The following ARHGEF4 variants were observed in gnomAD, a reference collection of about 807,000 sequenced individuals.
ARHGEF4 encodes the protein Rho guanine nucleotide exchange factor 4.
Under a neutral mutation model 162.0 loss-of-function variants are expected in ARHGEF4, and 119 were observed. The ratio of observed to expected loss-of-function variants is 0.73; its 90% confidence interval spans 0.63 to 0.86. ARHGEF4 has a LOEUF of 0.86. ARHGEF4 is among the 40% of genes least tolerant of loss of function. The probability of loss-of-function intolerance (pLI) is 0.00; values close to 1 mark genes in which losing one functional copy is unlikely to be tolerated. For synonymous variants in ARHGEF4, 1,014 were observed against 979.9 expected (o/e 1.03, Z -0.65); for missense variants, 2,488 against 2,456.0 (o/e 1.01, Z -0.28).
intron 4 of ARHGEF4, among the ~76,000 whole-genome samples, chr2:131,009,752 G>A (rs1255831083): frequency 2.0e-5 from 3 of 152,110 alleles, no homozygotes; most frequent in Non-Finnish European, 4.4e-5. Flanking sequence ...TTAGAAGTAT[G>A]TGCTTCTGTA....
At chr2:130,905,077 TCAGA>T (rs1680736386) in intron 1 of ARHGEF4, among the ~76,000 whole-genome samples, 1 of 151,566 alleles carries the variant, frequency 6.6e-6, no homozygotes, top group African/African-American at 2.4e-5. Flanking sequence ...AGACTCTGTC[TCAGA>T]CAAACAAACA....
rs111971610 is a variant in ARHGEF4, at chr2:131,032,848, CTTTTTTT to C, written c.4125+4780_4125+4786del. ...TTTCTTTTCTTTTCTTTTCTTTTTT[CTTTTTTT>C]TTTTTTTTTTTTTTTGAGACGGGGT... is the stretch of plus-strand genomic sequence containing the variant. On this transcript the variant is annotated intron_variant, in intron 5 of 13. Coordinates refer to ENST00000409359, the MANE Select transcript of ARHGEF4 (RefSeq NM_001367493.1). 7.3e-3 allele frequency among the ~76,000 whole-genome samples: 939 copies of C among 128,540 alleles called. 7 individuals are homozygous for C. Among genetic ancestry groups the C allele is most frequent in the South Asian group, 0.055 (212 of 3,862 alleles). 84.3% of individuals were successfully genotyped at this position (128,540 alleles called of 152,430 possible).
chr2:130,871,702 A>G (rs886263281), intron 1 of ARHGEF4, among the ~76,000 whole-genome samples: 1 of 152,136 alleles, frequency 6.6e-6, no homozygotes, highest in African/African-American at 2.4e-5. Flanking sequence ...GTTGTCTTCC[A>G]AATCCTGTGG....
intron 1 of ARHGEF4, among the ~76,000 whole-genome samples, chr2:130,908,716 C>T (rs945724765): frequency 2.0e-5 from 3 of 151,998 alleles, no homozygotes; most frequent in Non-Finnish European, 4.4e-5. Context: ...AAGTTTTACT[C>T]TTTAAAAGGC....
chr2:130,954,311 C>T (rs1026458002), intron 4 of ARHGEF4, among the ~76,000 whole-genome samples: 1 of 152,138 alleles, frequency 6.6e-6, no homozygotes, highest in Non-Finnish European at 1.5e-5. Context: ...GAACAGAAAA[C>T]CAAACACTGC....
At chr2:130,993,109 C>A (rs1335422878) in intron 4 of ARHGEF4, among the ~76,000 whole-genome samples, 1 of 152,086 alleles carries the variant, frequency 6.6e-6, no homozygotes, top group Admixed American at 6.5e-5. Context: ...AAATAGACAT[C>A]AAGGCTGCTC....
chr2:131,037,747 C>T (rs1187181239), intron 5 of ARHGEF4, among the ~76,000 whole-genome samples: 1 of 152,188 alleles, frequency 6.6e-6, no homozygotes, highest in Non-Finnish European at 1.5e-5. Flanking sequence ...AGGGGAGCGT[C>T]CAGTGTCTTA....
At chr2:130,960,924 G>A (rs1488302696) in intron 4 of ARHGEF4, among the ~76,000 whole-genome samples, 1 of 152,150 alleles carries the variant, frequency 6.6e-6, no homozygotes, top group South Asian at 2.1e-4. Flanking sequence ...AAATTACTGA[G>A]GTCTCCGGAA....
At chr2:131,041,677 C>G in intron 9 of ARHGEF4, 138 bp from the exon 10 acceptor site, 1 of 1,262,156 alleles carries the variant, frequency 7.9e-7, no homozygotes, top group Non-Finnish European at 1.1e-6. Flanking sequence ...AAGAGAGGGG[C>G]TGTGCATCTG....
chr2:131,021,776 C>T (rs1049823293), intron 4 of ARHGEF4, among the ~76,000 whole-genome samples: 3 of 152,190 alleles, frequency 2.0e-5, no homozygotes, highest in East Asian at 1.9e-4. Context: ...CGTCTTCCAT[C>T]GCTGAGTATG....
rs977450926 is a variant in ARHGEF4 at position 130,994,236 on chromosome 2, T to C, written c.3986-33709T>C. Reference sequence around the variant, plus strand: ...TAGTAATATATTTGGGTTTAAATCTTCCATCTTAATAATCTTTACATTTGT... The same window carrying C: ...TAGTAATATATTTGGGTTTAAATCTCCCATCTTAATAATCTTTACATTTGT... On this transcript the variant is annotated intron_variant, in intron 4 of 13. Coordinates refer to ENST00000409359, the MANE Select transcript of ARHGEF4 (RefSeq NM_001367493.1). 2.0e-5 allele frequency among the ~76,000 whole-genome samples: 3 copies of C among 152,278 alleles called. No individual in the cohort carries two copies. The East Asian group carries it at 5.8e-4, about 29-fold the overall frequency.
intron 1 of ARHGEF4, among the ~76,000 whole-genome samples, chr2:130,867,357 G>C (rs1476172547): frequency 1.3e-5 from 2 of 151,856 alleles, no homozygotes; most frequent in Non-Finnish European, 2.9e-5. Context: ...TCCTGCCTCA[G>C]CCTCTTGAGT....
chr2:130,845,716 C>T (rs1680912318), intron 1 of ARHGEF4, among the ~76,000 whole-genome samples: 1 of 152,164 alleles, frequency 6.6e-6, no homozygotes, highest in Non-Finnish European at 1.5e-5. Flanking sequence ...TGTGAGGACT[C>T]AAGCTTGTGA....
At chr2:131,013,826 C>G (rs1258653453) in intron 4 of ARHGEF4, among the ~76,000 whole-genome samples, 1 of 152,146 alleles carries the variant, frequency 6.6e-6, no homozygotes, top group East Asian at 1.9e-4. Context: ...GTCTCAAACT[C>G]CTGAGATCAA....
chr2:131,008,131 A>C (rs776905467), intron 4 of ARHGEF4, among the ~76,000 whole-genome samples: 1 of 152,068 alleles, frequency 6.6e-6, no homozygotes, highest in Non-Finnish European at 1.5e-5. Context: ...ATTCTTTTGA[A>C]TTGGCTACAT....
At chr2:130,889,961 C>G (rs922200697) in intron 1 of ARHGEF4, among the ~76,000 whole-genome samples, 34 of 152,126 alleles carry the variant, frequency 2.2e-4, no homozygotes, top group Admixed American at 2.0e-3. Flanking sequence ...CAGTCTAACT[C>G]TTTGTAAGTT....
intron 4 of ARHGEF4, among the ~76,000 whole-genome samples, chr2:130,950,053 G>A (rs912190535): frequency 7.2e-5 from 11 of 152,226 alleles, no homozygotes; most frequent in African/African-American, 2.4e-4. Context: ...CACTGGAAGT[G>A]ACGTTCTTTC....
chr2:130,966,248 T>C (rs1684993171), intron 4 of ARHGEF4, among the ~76,000 whole-genome samples: 1 of 152,218 alleles, frequency 6.6e-6, no homozygotes. Context: ...GACACTCCCG[T>C]GTATGCCTTA....
chr2:130,848,378 G>A (rs1357091586), intron 1 of ARHGEF4, among the ~76,000 whole-genome samples: 1 of 152,216 alleles, frequency 6.6e-6, no homozygotes. Flanking sequence ...GTCCAGGCCC[G>A]TGCTGGGTGC....
Sources: gnomAD v4.1 joint callset for allele counts (sites outside exome capture counted in the v4.1 genomes callset) on GRCh38, gnomAD v4.1.1 for gene constraint, MANE v1.5 for transcripts, NCBI Gene and HGNC (gene_info 2026-07-23, HGNC 2026-07-21) for gene names.